Variants in HDAC9 observed in about 807,000 individuals in gnomAD.
HDAC9 encodes the protein histone deacetylase 9.
In HDAC9, 41 loss-of-function variants were observed where a neutral mutation model predicts 139.4. That is an observed-to-expected ratio of 0.29 (90% CI 0.23 to 0.38). HDAC9 has a LOEUF of 0.38. Ranked by LOEUF, HDAC9 falls within the 10% of genes least tolerant of loss-of-function variation. HDAC9 has a pLI of 1.00. For missense variants in HDAC9, 1,147 were observed against 1,297.0 expected, an observed-to-expected ratio of 0.88 and a Z score of 1.78; for synonymous variants, 517 against 476.2, an observed-to-expected ratio of 1.09 and a Z score of -1.12.
intron 22 of HDAC9, among the ~76,000 whole-genome samples, chr7:18,915,244 T>C (rs1585300511): frequency 6.6e-6 from 1 of 152,198 alleles, no homozygotes; most frequent in East Asian, 1.9e-4. Context: ...GTAGACATTT[T>C]CTTTAGATTG....
chr7:18,351,749 A>C (rs980272205), intron 1 of HDAC9, among the ~76,000 whole-genome samples: 43 of 152,324 alleles, frequency 2.8e-4, no homozygotes, highest in African/African-American at 1.0e-3. Context: ...AGCATTTGCA[A>C]AGCCCTACAT....
intron 2 of HDAC9, among the ~76,000 whole-genome samples, chr7:18,172,821 T>C (rs1788556203): frequency 6.6e-6 from 1 of 152,238 alleles, no homozygotes; most frequent in Admixed American, 6.5e-5. Context: ...AGAGACAGTT[T>C]GTTATAATTT....
intron 12 of HDAC9, among the ~76,000 whole-genome samples, chr7:18,707,692 AATT>A (rs1784035171): frequency 6.6e-6 from 1 of 152,156 alleles, no homozygotes; most frequent in Admixed American, 6.6e-5. Flanking sequence ...GGATATGGGC[AATT>A]ATTATTTTCC....
intron 25 of HDAC9, among the ~76,000 whole-genome samples, chr7:18,981,217 T>C (rs1205648361): frequency 6.6e-6 from 1 of 152,124 alleles, no homozygotes; most frequent in Non-Finnish European, 1.5e-5. Flanking sequence ...TAGCTGTTCA[T>C]AGGTTAAATC....
chr7:18,436,979 A>G (rs1186952003), intron 1 of HDAC9, among the ~76,000 whole-genome samples: 2 of 152,238 alleles, frequency 1.3e-5, no homozygotes, highest in African/African-American at 4.8e-5. Context: ...ATGTAAAGCC[A>G]GAGATATTTT....
intron 1 of HDAC9, among the ~76,000 whole-genome samples, chr7:18,411,277 C>T (rs1034751452): frequency 6.6e-6 from 1 of 152,132 alleles, no homozygotes; most frequent in Non-Finnish European, 1.5e-5. Flanking sequence ...TACGGTGGTA[C>T]AAAAGTAATA....
chr7:18,104,101 C>G (rs1783035611), intron 1 of HDAC9, among the ~76,000 whole-genome samples: 1 of 152,178 alleles, frequency 6.6e-6, no homozygotes, highest in Admixed American at 6.5e-5. Flanking sequence ...CCAGAGAAAA[C>G]CCGTGCAGAC....
chr7:18,741,161 C>A (rs1231661838), intron 13 of HDAC9, among the ~76,000 whole-genome samples: 2 of 152,194 alleles, frequency 1.3e-5, no homozygotes, highest in Non-Finnish European at 2.9e-5. Flanking sequence ...AAGATGGCTA[C>A]ACTAAACAAC....
chr7:18,769,999 G>C (rs1034205498), intron 16 of HDAC9, among the ~76,000 whole-genome samples: 2 of 152,088 alleles, frequency 1.3e-5, no homozygotes, highest in Non-Finnish European at 2.9e-5. Flanking sequence ...ATTCTAGAGG[G>C]GTTTGATATA....
At chr7:18,844,609 T>C (rs908441536) in intron 21 of HDAC9, among the ~76,000 whole-genome samples, 3 of 152,164 alleles carry the variant, frequency 2.0e-5, no homozygotes, top group African/African-American at 7.2e-5. Flanking sequence ...AAAATTAAAG[T>C]GATGCTGGAG....
chr7:18,319,690 G>T (rs1050018540), intron 1 of HDAC9, among the ~76,000 whole-genome samples: 3 of 152,098 alleles, frequency 2.0e-5, no homozygotes, highest in African/African-American at 7.2e-5. Flanking sequence ...AGGCACTTCT[G>T]TTGTGTTCCT....
At chr7:18,710,883 T>A (rs1265784502) in intron 12 of HDAC9, among the ~76,000 whole-genome samples, 4 of 152,252 alleles carry the variant, frequency 2.6e-5, no homozygotes, top group Non-Finnish European at 5.9e-5. Flanking sequence ...TATATACATG[T>A]GTATATTTAC....
chr7:18,134,466 A>G (rs1452084305), intron 1 of HDAC9, among the ~76,000 whole-genome samples: 4 of 152,144 alleles, frequency 2.6e-5, no homozygotes, highest in Non-Finnish European at 2.9e-5. Context: ...AAATTCATGG[A>G]TTGAATATAC....
At chr7:18,954,793 A>G (rs1783032875) in intron 24 of HDAC9, among the ~76,000 whole-genome samples, 1 of 152,060 alleles carries the variant, frequency 6.6e-6, no homozygotes, top group African/African-American at 2.4e-5. Flanking sequence ...GATTAGCATG[A>G]AGAGGAAAAC....
At chr7:18,558,720 C>G (rs1400173381) in intron 2 of HDAC9, among the ~76,000 whole-genome samples, 1 of 152,198 alleles carries the variant, frequency 6.6e-6, no homozygotes, top group African/African-American at 2.4e-5. Context: ...ACGAACTTTT[C>G]TGGCAACATT....
At chr7:18,926,739 A>G (rs550017512) in intron 22 of HDAC9, among the ~76,000 whole-genome samples, 6 of 152,318 alleles carry the variant, frequency 3.9e-5, no homozygotes, top group Non-Finnish European at 8.8e-5. Context: ...TTTGTCTTAC[A>G]AAAAATAATG....
intron 8 of HDAC9, among the ~76,000 whole-genome samples, chr7:18,639,029 G>A (rs1407456600): frequency 6.6e-6 from 1 of 152,084 alleles, no homozygotes; most frequent in African/African-American, 2.4e-5. Context: ...CGGTAGCCAA[G>A]CTGCTGGTTT....
At chr7:18,180,259 AC>A in intron 2 of HDAC9, among the ~76,000 whole-genome samples, 1 of 150,856 alleles carries the variant, frequency 6.6e-6, no homozygotes, top group South Asian at 2.1e-4. Flanking sequence ...ACACACACAC[AC>A]ACACACACAC....
At chr7:18,091,636 C>T (rs534503205) in intron 1 of HDAC9, among the ~76,000 whole-genome samples, 1 of 152,252 alleles carries the variant, frequency 6.6e-6, no homozygotes, top group East Asian at 1.9e-4. Context: ...CACAACACCC[C>T]TTTATCATAT....
Sources: gnomAD v4.1 joint callset for allele counts (sites outside exome capture counted in the v4.1 genomes callset) on GRCh38, gnomAD v4.1.1 for gene constraint, MANE v1.5 for transcripts, NCBI Gene and HGNC (gene_info 2026-07-23, HGNC 2026-07-21) for gene names.